The following CDK5RAP2 variants were observed in gnomAD, a reference collection of about 807,000 sequenced individuals.
CDK5RAP2 encodes the protein CDK5 regulatory subunit-associated protein 2.
Under a neutral mutation model 232.9 loss-of-function variants are expected in CDK5RAP2, and 147 were observed. The ratio of observed to expected loss-of-function variants is 0.63; its 90% CI spans 0.55 to 0.72. The LOEUF is 0.72. Ranked by LOEUF, CDK5RAP2 falls within the 30% of genes least tolerant of loss-of-function variation. CDK5RAP2 has a pLI of 0.00. For missense variants in CDK5RAP2, 2,195 were observed against 2,231.5 expected (o/e 0.98, Z 0.33); for synonymous variants, 833 against 833.7 (o/e 1.00, Z 0.01).
At chr9:120,418,553 CAGA>C (rs1215876279) in intron 27 of CDK5RAP2, among the ~76,000 whole-genome samples, 1 of 152,134 alleles carries the variant, frequency 6.6e-6, no homozygotes, top group South Asian at 2.1e-4. Context: ...GGATACAATA[CAGA>C]AGAAGTGGCA....
rs573772512 is a variant in CDK5RAP2 at position 120,439,723 on chromosome 9, A to G, written c.3398T>C (p.Leu1133Pro). The change falls in exon 24 of 38, where the codon CTT becomes CCT. Residue 1133 changes from leucine to proline, a missense_variant. Coordinates refer to ENST00000349780, the MANE Select transcript of CDK5RAP2 (RefSeq NM_018249.6). ...LEGYQNFIFQ[L>P]QKHSQCSEAI... Reference sequence around the variant, plus strand: ...CTCACTGCACTGGGAGTGCTTTTGAAGCTGAAATATGAAATTCTGGTAGCC... The same window carrying G: ...CTCACTGCACTGGGAGTGCTTTTGAGGCTGAAATATGAAATTCTGGTAGCC... 3.7e-6 allele frequency: 6 copies of G among 1,614,238 alleles called. No homozygotes were observed. Among genetic ancestry groups the G allele is most frequent in the Admixed American group, 1.7e-5 (1 of 60,032 alleles).
chr9:120,471,730 A>G lies in CDK5RAP2; in HGVS notation c.1858+18T>C, dbSNP rs1467053194. The stretch of plus-strand genomic sequence containing the variant: ...AAGTGGAAAAACCAAAGAGAAGCAC[A>G]TAGAATAAAGTGTGTACCTTCCCGC... On this transcript the variant is annotated intron_variant, in intron 16 of 37. Transcript: ENST00000349780. 1.9e-6 allele frequency: 3 copies of G among 1,614,030 alleles called. No homozygotes were observed. The highest frequency in any genetic ancestry group is 3.3e-5 in the Admixed American group (2 of 60,028).
At chr9:120,418,975 T>C (rs2034402157) in intron 27 of CDK5RAP2, among the ~76,000 whole-genome samples, 1 of 152,204 alleles carries the variant, frequency 6.6e-6, no homozygotes, top group Non-Finnish European at 1.5e-5. Context: ...TGCTTGTGTC[T>C]CCAAAATTCC....
chr9:120,401,722 C>T (rs1336887325), intron 34 of CDK5RAP2, among the ~76,000 whole-genome samples: 1 of 151,872 alleles, frequency 6.6e-6, no homozygotes, highest in Non-Finnish European at 1.5e-5. Context: ...CAGTGGCTCA[C>T]GCCTTTATCC....
At chr9:120,474,733 G>C (rs1209963813) in intron 15 of CDK5RAP2, among the ~76,000 whole-genome samples, 1 of 152,212 alleles carries the variant, frequency 6.6e-6, no homozygotes, top group East Asian at 1.9e-4. Flanking sequence ...AATAGTAAAA[G>C]TGAAAGGATC....
intron 31 of CDK5RAP2, chr9:120,408,078 A>G: frequency 2.1e-6 from 1 of 485,352 alleles, no homozygotes; most frequent in East Asian, 4.1e-5. Context: ...CAAAGGGTGA[A>G]GTGGCCTACT....
At chr9:120,407,727 A>C (rs1053275074) in intron 31 of CDK5RAP2, 11 of 161,224 alleles carry the variant, frequency 6.8e-5, no homozygotes, top group African/African-American at 2.5e-4. Context: ...AAAAAAAAAA[A>C]CACCTCACCA....
rs761424398 is a variant in CDK5RAP2 at position 120,568,399 on chromosome 9, G to C, written c.128-11C>G. 6.2e-7 allele frequency: 1 copy of C among 1,601,960 alleles called. No individual in the cohort carries two copies. Among genetic ancestry groups the C allele is most frequent in the Non-Finnish European group, 8.6e-7 (1 of 1,168,900 alleles). On this transcript the variant is annotated splice_polypyrimidine_tract_variant and intron_variant, in intron 2 of 37. Coordinates refer to ENST00000349780, the MANE Select transcript of CDK5RAP2 (RefSeq NM_018249.6). ...ACACATTTGGGAGCACTGTAAAAAGGTAAAATAGAGGAAAACGTCACAGCA... is the reference window on the plus strand; with the variant it reads ...ACACATTTGGGAGCACTGTAAAAAGCTAAAATAGAGGAAAACGTCACAGCA...
intron 7 of CDK5RAP2, among the ~76,000 whole-genome samples, chr9:120,534,341 C>T (rs2041294035): frequency 1.3e-5 from 2 of 152,142 alleles, no homozygotes; most frequent in South Asian, 4.1e-4. Flanking sequence ...CCAAGTAATT[C>T]TTCCTCTTCC....
chr9:120,489,256 C>T (rs1165865621), intron 13 of CDK5RAP2, among the ~76,000 whole-genome samples: 1 of 152,248 alleles, frequency 6.6e-6, no homozygotes, highest in Admixed American at 6.5e-5. Flanking sequence ...ATTCTCCTCT[C>T]TGTGGAAGCC....
At chr9:120,405,663 T>C (rs993686547) in intron 32 of CDK5RAP2, among the ~76,000 whole-genome samples, 2 of 152,256 alleles carry the variant, frequency 1.3e-5, no homozygotes, top group Non-Finnish European at 2.9e-5. Context: ...GGTGGCAATA[T>C]GGCACCTTTC....
intron 18 of CDK5RAP2, among the ~76,000 whole-genome samples, chr9:120,466,321 C>T (rs2037377662): frequency 6.6e-6 from 1 of 152,200 alleles, no homozygotes; most frequent in African/African-American, 2.4e-5. Context: ...CTAACTCCAT[C>T]TACTCCCTCA....
At chr9:120,542,397 C>T (rs1310041098) in intron 5 of CDK5RAP2, among the ~76,000 whole-genome samples, 1 of 151,228 alleles carries the variant, frequency 6.6e-6, no homozygotes, top group African/African-American at 2.4e-5. Context: ...CCCAGCTACT[C>T]GGGAGGCTGA....
intron 21 of CDK5RAP2, among the ~76,000 whole-genome samples, chr9:120,450,271 A>G (rs918572326): frequency 6.6e-6 from 1 of 152,250 alleles, no homozygotes; most frequent in South Asian, 2.1e-4. Flanking sequence ...CACATATGAC[A>G]TGATTCCATT....
rs759346683 is a variant in CDK5RAP2, at chr9:120,400,822, C to T, written c.5371G>A (p.Glu1791Lys). The change falls in exon 35 of 38, where the codon GAA (glutamate) becomes AAA (lysine). Residue 1791 changes from glutamate (E) to lysine (K), a missense_variant. Physicochemically the swap from Glu to Lys is moderately conservative, Grantham distance 56. Transcript: ENST00000349780. ...SSVSTAKLTLEEAYRRLKLLW... is the reference protein window; with the variant it reads ...SSVSTAKLTLKEAYRRLKLLW... ...AGCTTCAGCCGCCTGTAGGCCTCTT[C>T]CAGGGTCAGCTTGGCCGTGCTCACA... The T allele has an allele frequency of 6.2e-7, 1 of 1,614,214 alleles. No homozygotes were observed. The highest frequency in any genetic ancestry group is 8.5e-7 in the Non-Finnish European group (1 of 1,180,034).
chr9:120,455,655 A>T (rs963458856), intron 20 of CDK5RAP2, among the ~76,000 whole-genome samples: 9 of 151,864 alleles, frequency 5.9e-5, no homozygotes, highest in Non-Finnish European at 1.0e-4. Context: ...AGGTGGGAGG[A>T]CGGCTTGAAC....
chr9:120,514,047 T>C (rs573883456), intron 12 of CDK5RAP2, among the ~76,000 whole-genome samples: 2 of 152,318 alleles, frequency 1.3e-5, no homozygotes, highest in East Asian at 3.9e-4. Flanking sequence ...AAAACAGTCA[T>C]GTGAGATGGA....
At chr9:120,423,138 A>G (rs2034671106) in intron 25 of CDK5RAP2, among the ~76,000 whole-genome samples, 1 of 152,164 alleles carries the variant, frequency 6.6e-6, no homozygotes. Context: ...TTTTTCATGC[A>G]TTTTGGCATG....
At chr9:120,534,418 T>C (rs189358080) in intron 7 of CDK5RAP2, among the ~76,000 whole-genome samples, 1 of 152,262 alleles carries the variant, frequency 6.6e-6, no homozygotes, top group East Asian at 1.9e-4. Flanking sequence ...TAACCCAGCA[T>C]TGATCCTACT....
Sources: gnomAD v4.1 joint callset for allele counts (sites outside exome capture counted in the v4.1 genomes callset) on GRCh38, gnomAD v4.1.1 for gene constraint, MANE v1.5 for transcripts, NCBI Gene and HGNC (gene_info 2026-07-23, HGNC 2026-07-21) for gene names.